The following FBXL4 variants were observed in gnomAD, a reference collection of about 807,000 sequenced individuals.
FBXL4 encodes the protein F-box and leucine rich repeat protein 4.
Under a neutral mutation model 58.9 loss-of-function variants are expected in FBXL4, and 40 were observed. That is an observed-to-expected ratio of 0.68 (90% CI 0.53 to 0.88). FBXL4 has a LOEUF of 0.88. Ranked by LOEUF, FBXL4 falls within the 40% of genes least tolerant of loss-of-function variation. The probability of loss-of-function intolerance (pLI) is 0.00; values close to 1 mark genes in which losing one functional copy is unlikely to be tolerated. For synonymous variants in FBXL4, 263 were observed against 265.5 expected (o/e 0.99, Z 0.09); for missense variants, 676 against 734.4 (o/e 0.92, Z 0.92).
chr6:98,935,738 G>A (rs1293854936), intron 1 of FBXL4, among the ~76,000 whole-genome samples: 21 of 148,518 alleles, frequency 1.4e-4, no homozygotes, highest in African/African-American at 4.8e-4. Context: ...GCAGTGAGCC[G>A]AGATTGCGCC....
At position 98,875,729 on chromosome 6, in the gene FBXL4, T is replaced by C. The variant is rs1263785322; in HGVS notation, c.1390-2A>G. The C allele has an allele frequency of 1.2e-6, 2 of 1,612,922 alleles. No individual in the cohort carries two copies. The highest frequency in any genetic ancestry group is 1.1e-5 in the South Asian group (1 of 91,076). On this transcript the variant is annotated splice_acceptor_variant, in intron 8 of 9. Transcript: ENST00000369244. LOFTEE classifies it high-confidence loss of function. ...AGCTATCACATCATAGTCTTCAATC[T>C]GGAAATCAAATAATTCCAATCTTTT... is the stretch of plus-strand genomic sequence containing the variant.
intron 4 of FBXL4, among the ~76,000 whole-genome samples, chr6:98,923,100 C>T (rs548430837): frequency 3.3e-5 from 5 of 152,224 alleles, no homozygotes; most frequent in Admixed American, 6.5e-5. Context: ...GATTGACAGT[C>T]CCCCTTTCCC....
In FBXL4 at chr6:98,872,086, G is replaced by C. The variant is rs919452137; in HGVS notation, c.*2192C>G. 1 of 151,864 alleles carries C rather than the reference G, an allele frequency of 6.6e-6. No individual in the cohort carries two copies. Among genetic ancestry groups the C allele is most frequent in the Non-Finnish European group, 1.5e-5 (1 of 67,922 alleles). The allele number at this position is 151,864 out of a possible 1,614,324, so 9.4% of individuals were successfully genotyped here. A position where few individuals can be genotyped will look rare whatever the true frequency, so the allele number is the denominator to read the frequency against. Reference sequence around the variant, plus strand: ...ACAAGCTGCTTTACACATTTCCTGTGCTATCAAAAGGTAAGACAAAGAAGC... The same window carrying C: ...ACAAGCTGCTTTACACATTTCCTGTCCTATCAAAAGGTAAGACAAAGAAGC... On this transcript the variant is annotated 3_prime_UTR_variant, in exon 10 of 10. Coordinates refer to ENST00000369244, the MANE Select transcript of FBXL4 (RefSeq NM_001278716.2).
At chr6:98,890,386 T>C (rs1771182339) in intron 7 of FBXL4, among the ~76,000 whole-genome samples, 1 of 152,202 alleles carries the variant, frequency 6.6e-6, no homozygotes, top group Non-Finnish European at 1.5e-5. Context: ...TTGATTATAC[T>C]ACATTTCAAA....
intron 2 of FBXL4, among the ~76,000 whole-genome samples, chr6:98,931,131 T>C (rs1359661460): frequency 6.6e-6 from 1 of 152,232 alleles, no homozygotes; most frequent in Non-Finnish European, 1.5e-5. Flanking sequence ...GGTCTATAAA[T>C]TGCTTCAACT....
chr6:98,905,261 T>G (rs1771755143), intron 6 of FBXL4, among the ~76,000 whole-genome samples, 165 bp downstream of exon 6: 1 of 152,228 alleles, frequency 6.6e-6, no homozygotes, highest in African/African-American at 2.4e-5. Context: ...ACACTTATTT[T>G]TTTATAAGCA....
chr6:98,875,379 A>G lies in FBXL4; in HGVS notation c.1702+36T>C, dbSNP rs374542973. The G allele has an allele frequency of 1.1e-4, 174 of 1,599,634 alleles. 3 individuals carry two copies. The East Asian group carries it at 1.7e-3, about 16-fold the overall frequency. ...AGATTGGCTTTTCTGTCAAGGAAACAGACATTTAAAACAAATTTATATATT... is the reference window on the plus strand; with the variant it reads ...AGATTGGCTTTTCTGTCAAGGAAACGGACATTTAAAACAAATTTATATATT... On this transcript the variant is annotated intron_variant, in intron 9 of 9. Coordinates refer to ENST00000369244, the MANE Select transcript of FBXL4 (RefSeq NM_001278716.2).
At position 98,899,336 on chromosome 6, in the gene FBXL4, G is replaced by T; in HGVS notation, c.1249C>A (p.Gln417Lys). Residue 417 changes from glutamine (Q) to lysine (K), a missense_variant, in exon 7 of 10, where the codon CAA (glutamine) becomes AAA (lysine). Physicochemically the swap from Gln to Lys is moderately conservative, Grantham distance 53. Coordinates refer to ENST00000369244, the MANE Select transcript of FBXL4 (RefSeq NM_001278716.2). ...AACTTGGCAATGTGGTTGAAAGCTT[G>T]AGGTGGTAGCTTATCACAGGAGGAG... ...NLSSCDKLPP[Q>K]AFNHIAKLCS... 6.2e-7 allele frequency: 1 copy of T among 1,613,990 alleles called. No individual in the cohort carries two copies. Among genetic ancestry groups the T allele is most frequent in the Non-Finnish European group, 8.5e-7 (1 of 1,179,946 alleles).
intron 6 of FBXL4, among the ~76,000 whole-genome samples, chr6:98,901,365 T>A (rs758975964): frequency 2.6e-5 from 4 of 151,938 alleles, no homozygotes; most frequent in Non-Finnish European, 5.9e-5. Flanking sequence ...AGACGGGGGA[T>A]GCAGGAGGCG....
chr6:98,874,356 C>T lies in FBXL4; in HGVS notation c.1788G>A (p.Ser596=), dbSNP rs745713189. The change falls in exon 10 of 10, where the codon TCG becomes TCA. Residue 596 remains serine (S), a synonymous_variant. Transcript: ENST00000369244. ...CTAGCACAGCTCTGTTATCAATCTG[C>T]GAACAGAAGGACACATCAAGTAAAG... The part of the protein sequence containing the change: ...DLSLLDVSFC[S]QIDNRAVLEL... The T allele has an allele frequency of 9.9e-6, 16 of 1,612,844 alleles. No homozygotes were observed. Among genetic ancestry groups the T allele is most frequent in the South Asian group, 9.9e-5 (9 of 90,982 alleles).
intron 5 of FBXL4, among the ~76,000 whole-genome samples, chr6:98,908,493 A>C (rs1474606): frequency 0.057 from 8,637 of 152,204 alleles, 421 homozygotes; most frequent in East Asian, 0.28. Flanking sequence ...TTATGCATGT[A>C]TGTTCATCTT....
In FBXL4 at chr6:98,869,276, GTGTC is replaced by G. The variant is rs1467847287; in HGVS notation, c.*4998_*5001del. 6.6e-6 allele frequency: 1 copy of G among 152,214 alleles called. No homozygotes were observed. Among genetic ancestry groups the G allele is most frequent in the Non-Finnish European group, 1.5e-5 (1 of 68,044 alleles). 9.4% of individuals were successfully genotyped at this position (152,214 alleles called of 1,614,324 possible). ...AATGACTTTGAAAATGTAAATTCCT[GTGTC>G]TGTAATAGGTATCCTTTAATAGCTG... On this transcript the variant is annotated 3_prime_UTR_variant, in exon 10 of 10. Coordinates refer to ENST00000369244, the MANE Select transcript of FBXL4 (RefSeq NM_001278716.2).
chr6:98,894,720 C>T (rs570091965), intron 7 of FBXL4, among the ~76,000 whole-genome samples: 1 of 152,102 alleles, frequency 6.6e-6, no homozygotes, highest in Non-Finnish European at 1.5e-5. Context: ...TGAAATTCAA[C>T]AAATATATGC....
chr6:98,890,628 A>G (rs1241069170), intron 7 of FBXL4, among the ~76,000 whole-genome samples: 1 of 152,182 alleles, frequency 6.6e-6, no homozygotes, highest in Non-Finnish European at 1.5e-5. Context: ...ATATAGAATA[A>G]AAGTTGAAAG....
intron 1 of FBXL4, among the ~76,000 whole-genome samples, chr6:98,936,975 CAA>C (rs1475708849): frequency 1.3e-5 from 2 of 152,112 alleles, no homozygotes; most frequent in Admixed American, 1.3e-4. Context: ...GACCCTTGAA[CAA>C]TGTATGGGAT....
chr6:98,905,447 A>G lies in FBXL4; in HGVS notation c.1082T>C (p.Ile361Thr). 1 of 1,614,070 alleles carries G rather than the reference A, an allele frequency of 6.2e-7. No homozygotes were observed. Among genetic ancestry groups the G allele is most frequent in the Non-Finnish European group, 8.5e-7 (1 of 1,179,920 alleles). ...TAACCTGCTAAATCCTGCAACAGAG[A>G]TGAAGCCTCTATTGCCAGTCCAAGA... ...NLSWTGNRGF[I>T]SVAGFSRFLK... The change falls in exon 6 of 10, where the codon ATC becomes ACC. Residue 361 changes from isoleucine (I) to threonine (T), a missense_variant. Ile to Thr is a moderately conservative substitution (Grantham distance 89, BLOSUM62 -1). Transcript: ENST00000369244.
At chr6:98,889,678 C>CAAAA (rs34182678) in intron 7 of FBXL4, among the ~76,000 whole-genome samples, 1 of 72,140 alleles carries the variant, frequency 1.4e-5, no homozygotes, top group Non-Finnish European at 2.9e-5. Context: ...CACCCTGTCT[C>CAAAA]AAAAAAAAAA....
At chr6:98,874,844 G>A (rs758614431) in intron 9 of FBXL4, among the ~76,000 whole-genome samples, 7 of 152,188 alleles carry the variant, frequency 4.6e-5, no homozygotes, top group Non-Finnish European at 8.8e-5. Context: ...GATAACTACT[G>A]TGACACTGCT....
chr6:98,873,017 T>TA lies in FBXL4; in HGVS notation c.*1260dup, dbSNP rs1770533868. The TA allele has an allele frequency of 6.6e-6, 1 of 151,960 alleles. No homozygotes were observed. 9.4% of individuals were successfully genotyped at this position (151,960 alleles called of 1,614,324 possible). A position where few individuals can be genotyped will look rare whatever the true frequency, so the allele number is the denominator to read the frequency against. On this transcript the variant is annotated 3_prime_UTR_variant, in exon 10 of 10. Transcript: ENST00000369244. The stretch of plus-strand genomic sequence containing the variant: ...GAACACTTGACATACATCGTTTTGT[T>TA]AAAAAAATGAATTAATTCTGCTACT...
Sources: allele counts gnomAD v4.1 joint callset (sites outside exome capture counted in the v4.1 genomes callset), GRCh38; gene constraint gnomAD v4.1.1; transcripts MANE v1.5; gene names NCBI Gene and HGNC (gene_info 2026-07-23, HGNC 2026-07-21).